Variants in RGS7 observed in about 807,000 individuals in gnomAD.
RGS7 encodes the protein regulator of G-protein signaling 7.
In RGS7, 27 loss-of-function variants were observed where a neutral mutation model predicts 81.1. The observed-to-expected ratio is 0.33, with a 90% CI of 0.25 to 0.46. The LOEUF is 0.46. Ranked by LOEUF, RGS7 falls within the 20% of genes least tolerant of loss-of-function variation. The probability of loss-of-function intolerance (pLI) is 1.00; values close to 1 mark genes in which losing one functional copy is unlikely to be tolerated. For missense variants in RGS7, 396 were observed against 607.4 expected (o/e 0.65, Z 3.66); for synonymous variants, 208 against 207.7 (o/e 1.00, Z -0.01).
chr1:241,177,246 G>A (rs1231815503), intron 2 of RGS7, among the ~76,000 whole-genome samples: 1 of 152,218 alleles, frequency 6.6e-6, no homozygotes, highest in Non-Finnish European at 1.5e-5. Context: ...TCCCTGAAGA[G>A]GTGATGTGTG....
intron 2 of RGS7, among the ~76,000 whole-genome samples, chr1:241,297,647 G>A (rs1419575441): frequency 6.6e-6 from 1 of 151,628 alleles, no homozygotes. Flanking sequence ...AACGAAGCTT[G>A]GGGTTGCCAT....
chr1:241,022,157 T>C (rs1172247996), intron 3 of RGS7, among the ~76,000 whole-genome samples: 1 of 152,192 alleles, frequency 6.6e-6, no homozygotes, highest in Non-Finnish European at 1.5e-5. Flanking sequence ...AGGTAGGCCT[T>C]TTCAATCTCA....
chr1:241,270,363 A>G (rs2077811766), intron 2 of RGS7, among the ~76,000 whole-genome samples: 1 of 152,246 alleles, frequency 6.6e-6, no homozygotes, highest in African/African-American at 2.4e-5. Flanking sequence ...CAATAGAAAT[A>G]CATTCCTTCC....
intron 2 of RGS7, among the ~76,000 whole-genome samples, chr1:241,100,707 G>A (rs950900396): frequency 6.6e-6 from 1 of 152,156 alleles, no homozygotes; most frequent in African/African-American, 2.4e-5. Flanking sequence ...ATTGCATTGG[G>A]CCTAGGGTGG....
chr1:241,212,097 A>T (rs1259169351), intron 2 of RGS7, among the ~76,000 whole-genome samples: 1 of 151,616 alleles, frequency 6.6e-6, no homozygotes, highest in Non-Finnish European at 1.5e-5. Context: ...TGAGTAATAA[A>T]TTATTCAATT....
Position 240,775,933 on chromosome 1 carries a change from G to T in RGS7, c.*287C>A. 1 of 526,538 alleles carries T rather than the reference G, an allele frequency of 1.9e-6. No individual in the cohort carries two copies. Among genetic ancestry groups the T allele is most frequent in the Non-Finnish European group, 3.5e-6 (1 of 289,640 alleles). 32.6% of individuals were successfully genotyped at this position (526,538 alleles called of 1,614,324 possible). A position where few individuals can be genotyped will look rare whatever the true frequency, so the allele number is the denominator to read the frequency against. On this transcript the variant is annotated 3_prime_UTR_variant, in exon 19 of 19. Transcript: ENST00000440928. ...TTCACTTGAACTTGTTAAAAAGGAA[G>T]AGACACAGATCCAGCATAGTAGAAG...
intron 2 of RGS7, among the ~76,000 whole-genome samples, chr1:241,210,982 T>G (rs1354066295): frequency 6.6e-6 from 1 of 152,174 alleles, no homozygotes; most frequent in Non-Finnish European, 1.5e-5. Flanking sequence ...TCTAAGTGTT[T>G]CCATAAAATT....
At position 241,334,080 on chromosome 1, in the gene RGS7, T is replaced by C. The variant is rs56992951; in HGVS notation, c.78+21619A>G. Among the ~76,000 whole-genome samples the C allele has an allele frequency of 4.0e-3, 609 of 151,560 alleles. 4 individuals are homozygous for C. The highest frequency in any genetic ancestry group is 0.014 in the African/African-American group (566 of 41,386). On this transcript the variant is annotated intron_variant, in intron 2 of 18. Transcript: ENST00000440928. ...ATATATGTATATGTATATGTATATA[T>C]GTATACTCTTGAAAGTATTTTAGTA...
At chr1:240,925,108 CT>C (rs1674214584) in intron 6 of RGS7, among the ~76,000 whole-genome samples, 4 of 151,904 alleles carry the variant, frequency 2.6e-5, no homozygotes, top group Admixed American at 2.0e-4. Flanking sequence ...GTACTCATTT[CT>C]TTTTTTCAAT....
intron 2 of RGS7, among the ~76,000 whole-genome samples, chr1:241,111,546 GAGA>G (rs927633401): frequency 6.6e-5 from 10 of 152,048 alleles, no homozygotes; most frequent in African/African-American, 2.2e-4. Flanking sequence ...AAAGCTGAGG[GAGA>G]AGGATTGCTT....
In RGS7 at chr1:240,984,871, T is replaced by C. The variant is rs148591475; in HGVS notation, c.176-1742A>G. On this transcript the variant is annotated intron_variant, in intron 3 of 18. Coordinates refer to ENST00000440928, the MANE Select transcript of RGS7 (RefSeq NM_001364886.1). The stretch of plus-strand genomic sequence containing the variant: ...CTTGACAATAAAGTCCCAAAAGTTA[T>C]GAGAACATTCATACTCAATGTCAAT... Among the ~76,000 whole-genome samples, 132 of 152,348 alleles carry C rather than the reference T, an allele frequency of 8.7e-4. 1 individual carries two copies. The highest frequency in any genetic ancestry group is 2.8e-3 in the African/African-American group (118 of 41,588).
At chr1:241,180,150 G>A (rs1049509044) in intron 2 of RGS7, among the ~76,000 whole-genome samples, 10 of 152,040 alleles carry the variant, frequency 6.6e-5, no homozygotes, top group East Asian at 1.9e-4. Context: ...CGAGGCAGGC[G>A]GATCACGAGG....
intron 2 of RGS7, among the ~76,000 whole-genome samples, chr1:241,293,956 A>T (rs1323896049): frequency 6.6e-6 from 1 of 152,214 alleles, no homozygotes; most frequent in Non-Finnish European, 1.5e-5. Context: ...TACCTAAAGG[A>T]TATAAATCAT....
At chr1:240,959,494 T>C (rs1470951374) in intron 4 of RGS7, among the ~76,000 whole-genome samples, 1 of 152,156 alleles carries the variant, frequency 6.6e-6, no homozygotes, top group Non-Finnish European at 1.5e-5. Flanking sequence ...ACATAGAAAA[T>C]GCAATGCATT....
chr1:240,881,919 CTTTT>C (rs5782168), intron 6 of RGS7, among the ~76,000 whole-genome samples: 3 of 145,974 alleles, frequency 2.1e-5, no homozygotes, highest in Admixed American at 2.0e-4. Flanking sequence ...CTATAAAAAT[CTTTT>C]TTTTTTTTTG....
At chr1:240,972,315 G>C (rs971026715) in intron 4 of RGS7, among the ~76,000 whole-genome samples, 2 of 151,228 alleles carry the variant, frequency 1.3e-5, no homozygotes, top group Non-Finnish European at 2.9e-5. Flanking sequence ...AACAATGATA[G>C]ACTGGATTAA....
intron 2 of RGS7, among the ~76,000 whole-genome samples, chr1:241,283,463 T>C (rs1460291031): frequency 6.6e-5 from 10 of 152,204 alleles, no homozygotes; most frequent in Non-Finnish European, 1.5e-4. Flanking sequence ...AAAAAATGTG[T>C]CATTTCCTTC....
At chr1:240,982,549 A>G (rs1685077305) in intron 4 of RGS7, among the ~76,000 whole-genome samples, 1 of 152,158 alleles carries the variant, frequency 6.6e-6, no homozygotes, top group Non-Finnish European at 1.5e-5. Flanking sequence ...TTTCTGCTAC[A>G]GAATAGACAC....
chr1:241,298,585 C>T (rs1414858546), intron 2 of RGS7, among the ~76,000 whole-genome samples: 1 of 152,200 alleles, frequency 6.6e-6, no homozygotes, highest in Non-Finnish European at 1.5e-5. Flanking sequence ...AAAGAATTAT[C>T]TGTACCCTCG....
Sources: gnomAD v4.1 joint callset for allele counts (sites outside exome capture counted in the v4.1 genomes callset) on GRCh38, gnomAD v4.1.1 for gene constraint, MANE v1.5 for transcripts, NCBI Gene and HGNC (gene_info 2026-07-23, HGNC 2026-07-21) for gene names.